Variants in IGDCC3 observed in about 807,000 individuals in gnomAD.
The protein encoded by IGDCC3 is putative neuronal cell adhesion molecule.
In IGDCC3, 47 loss-of-function variants were observed where a neutral mutation model predicts 72.0. The ratio of observed to expected loss-of-function variants is 0.65; its 90% CI spans 0.52 to 0.83. IGDCC3 has a LOEUF of 0.83. Among genes scored for constraint, IGDCC3 ranks in the 40% least tolerant of loss-of-function variants. IGDCC3 has a pLI of 0.00. For synonymous variants in IGDCC3, 477 were observed against 472.8 expected (o/e 1.01, Z -0.11); for missense variants, 1,038 against 1,091.3 (o/e 0.95, Z 0.69).
chr15:65,355,319 G>A (rs1245637195), intron 2 of IGDCC3, among the ~76,000 whole-genome samples: 1 of 152,172 alleles, frequency 6.6e-6, no homozygotes, highest in South Asian at 2.1e-4. Context: ...CTTTGTGTCA[G>A]ACTCCCATCC....
At chr15:65,367,109 C>T (rs1239847562) in intron 2 of IGDCC3, among the ~76,000 whole-genome samples, 3 of 152,142 alleles carry the variant, frequency 2.0e-5, no homozygotes, top group South Asian at 2.1e-4. Flanking sequence ...TTTGGGAGGC[C>T]GAGGTAGGTG....
intron 2 of IGDCC3, among the ~76,000 whole-genome samples, chr15:65,340,447 G>A (rs1169168972): frequency 3.3e-5 from 5 of 152,162 alleles, no homozygotes; most frequent in Non-Finnish European, 7.3e-5. Context: ...AAAAGCGAGG[G>A]GCCCTGGGGC....
At chr15:65,355,678 C>CCCCACA in intron 2 of IGDCC3, 3 of 299,226 alleles carry the variant, frequency 1.0e-5, no homozygotes, top group South Asian at 2.4e-5. Context: ...GCCCCTCCCG[C>CCCCACA]ATAGCAATAG....
rs992382891 is a variant in IGDCC3 at position 65,377,633 on chromosome 15, G to T, written c.103+53C>A. Reference sequence around the variant, plus strand: ...CCTCGCGCCCGCTCCCTCCCTGCTCGCCCTTCCCCTGGCTCCGTCCGCAAC... The same window carrying T: ...CCTCGCGCCCGCTCCCTCCCTGCTCTCCCTTCCCCTGGCTCCGTCCGCAAC... On this transcript the variant is annotated intron_variant, in intron 1 of 13. Transcript: ENST00000327987. The surrounding 1 kb of genome is among the most constrained non-coding windows in gnomAD (Gnocchi z 4.9). 1 of 1,365,836 alleles carries T rather than the reference G, an allele frequency of 7.3e-7. No individual in the cohort carries two copies. Among genetic ancestry groups the T allele is most frequent in the Non-Finnish European group, 9.4e-7 (1 of 1,061,452 alleles). The allele number at this position is 1,365,836 out of a possible 1,614,324, so 84.6% of individuals were successfully genotyped here. A position where few individuals can be genotyped will look rare whatever the true frequency, so the allele number is the denominator to read the frequency against.
chr15:65,333,475 G>C, intron 5 of IGDCC3, 60 bp from the exon 6 acceptor site: 2 of 1,469,224 alleles, frequency 1.4e-6, no homozygotes, highest in Non-Finnish European at 1.8e-6. Flanking sequence ...AAGAAGGAAA[G>C]TAAAGGAAAC....
chr15:65,330,797 T>C (rs891008841), intron 9 of IGDCC3, 56 bp from the exon 10 acceptor site: 2 of 1,418,976 alleles, frequency 1.4e-6, no homozygotes, highest in Non-Finnish European at 1.9e-6. Flanking sequence ...TCTATCTTTC[T>C]ACCTTCCACC....
intron 2 of IGDCC3, among the ~76,000 whole-genome samples, chr15:65,348,288 T>G (rs1190000659): frequency 6.6e-6 from 1 of 152,222 alleles, no homozygotes; most frequent in Admixed American, 6.5e-5. Context: ...TGCTTTCACT[T>G]TGCACTGCAG....
chr15:65,357,603 C>T (rs1204334044), intron 2 of IGDCC3, among the ~76,000 whole-genome samples: 1 of 152,234 alleles, frequency 6.6e-6, no homozygotes. Flanking sequence ...TTGTTCCTTG[C>T]TCTGACCAAC....
intron 2 of IGDCC3, among the ~76,000 whole-genome samples, chr15:65,354,947 T>C (rs1401678935): frequency 6.6e-6 from 1 of 152,202 alleles, no homozygotes; most frequent in East Asian, 1.9e-4. Flanking sequence ...TTCATTGGTC[T>C]GGTGTAGTGC....
rs183765711 is a variant in IGDCC3, at chr15:65,333,432, G to A, written c.824-17C>T. 5.7e-4 allele frequency: 899 copies of A among 1,580,694 alleles called. 2 individuals are homozygous for A. In the African/African-American group the frequency reaches 8.5e-3, roughly 15 times the overall value. ...GGCGACCATCTGCAGAGGAAGGGGA[G>A]GGGGGATGGGTGAGGGTCAGATAGA... On this transcript the variant is annotated splice_polypyrimidine_tract_variant and intron_variant, in intron 5 of 13. Transcript: ENST00000327987.
chr15:65,345,833 T>A (rs1595756534), intron 2 of IGDCC3, among the ~76,000 whole-genome samples: 1 of 152,128 alleles, frequency 6.6e-6, no homozygotes. Context: ...ACAGGCTAGG[T>A]AACTTGCCCA....
At chr15:65,353,102 T>C (rs1339107377) in intron 2 of IGDCC3, among the ~76,000 whole-genome samples, 1 of 152,214 alleles carries the variant, frequency 6.6e-6, no homozygotes, top group Non-Finnish European at 1.5e-5. Context: ...CCTTCTAATT[T>C]AGTTTACTTG....
At chr15:65,365,440 G>A (rs1016656381) in intron 2 of IGDCC3, among the ~76,000 whole-genome samples, 1 of 152,112 alleles carries the variant, frequency 6.6e-6, no homozygotes, top group African/African-American at 2.4e-5. Flanking sequence ...CATCTGCACT[G>A]CAACCTAACA....
At chr15:65,351,765 T>G (rs2140156315) in intron 2 of IGDCC3, among the ~76,000 whole-genome samples, 1 of 152,280 alleles carries the variant, frequency 6.6e-6, no homozygotes, top group South Asian at 2.1e-4. Flanking sequence ...TGGTCCAAAG[T>G]TATGGGAAAC....
In IGDCC3 at chr15:65,332,015, C is replaced by T. The variant is rs760141724; in HGVS notation, c.1074G>A (p.Pro358=). 1.9e-6 allele frequency: 3 copies of T among 1,614,168 alleles called. No individual in the cohort carries two copies. Among genetic ancestry groups the T allele is most frequent in the Non-Finnish European group, 2.5e-6 (3 of 1,180,036 alleles). ...MFTCQAQGEP[P]PHVTWLKNGQ... ...CATTTTTCAGCCACGTGACATGAGGCGGTGGCTCACCCTGGGCTTGGCAGG... is the reference window on the plus strand; with the variant it reads ...CATTTTTCAGCCACGTGACATGAGGTGGTGGCTCACCCTGGGCTTGGCAGG... Residue 358 remains proline (P), a synonymous_variant, in exon 7 of 14, where the codon CCG becomes CCA. Transcript: ENST00000327987.
Position 65,375,346 on chromosome 15 carries a change from C to A in IGDCC3, c.160G>T (p.Val54Phe). 1 of 1,610,870 alleles carries A rather than the reference C, an allele frequency of 6.2e-7. No homozygotes were observed. Among genetic ancestry groups the A allele is most frequent in the Non-Finnish European group, 8.5e-7 (1 of 1,177,436 alleles). The change falls in exon 2 of 14, where the codon GTC becomes TTC. Residue 54 changes from valine (V) to phenylalanine (F), a missense_variant. Transcript: ENST00000327987. Reference protein sequence around the residue: ...FAVEPSDDVAVPGQPIVLDCR... With the variant: ...FAVEPSDDVAFPGQPIVLDCR... ...TCCAGCACTATAGGCTGCCCGGGGACGGCAACATCATCACTTGGCTCCACA... is the reference window on the plus strand; with the variant it reads ...TCCAGCACTATAGGCTGCCCGGGGAAGGCAACATCATCACTTGGCTCCACA...
chr15:65,335,781 C>T (rs2091023000), intron 3 of IGDCC3, 31 bp downstream of exon 3: 1 of 1,612,772 alleles, frequency 6.2e-7, no homozygotes, highest in Non-Finnish European at 8.5e-7. Flanking sequence ...ACCTCTTTGT[C>T]CTCCCTCTGT....
intron 2 of IGDCC3, among the ~76,000 whole-genome samples, chr15:65,349,894 A>AG (rs1482849915): frequency 6.6e-6 from 1 of 152,192 alleles, no homozygotes; most frequent in Non-Finnish European, 1.5e-5. Flanking sequence ...TCAGTAGCTA[A>AG]GGTTTTTGCA....
intron 2 of IGDCC3, among the ~76,000 whole-genome samples, chr15:65,350,996 T>C (rs1276743019): frequency 6.6e-6 from 1 of 152,198 alleles, no homozygotes; most frequent in East Asian, 1.9e-4. Context: ...GAATGTGTAT[T>C]TTTTTTCTGC....
Sources: gnomAD v4.1 joint callset for allele counts (sites outside exome capture counted in the v4.1 genomes callset) on GRCh38, gnomAD v4.1.1 for gene constraint, Gnocchi (gnomAD v3.1) non-coding constraint, MANE v1.5 for transcripts, NCBI Gene and HGNC (gene_info 2026-07-23, HGNC 2026-07-21) for gene names.